Variants in DCHS2 observed in about 807,000 individuals in gnomAD.
DCHS2 encodes dachsous cadherin-related 2, also known as protocadherin-23.
DCHS2 carries 142 observed loss-of-function variants against 182.4 expected under a neutral mutation model. That is an observed-to-expected ratio of 0.78 (90% CI 0.68 to 0.89). The LOEUF (loss-of-function observed/expected upper bound fraction) is 0.89. Ranked by LOEUF, DCHS2 falls within the 40% of genes least tolerant of loss-of-function variation. The pLI, the probability that DCHS2 is intolerant of heterozygous loss-of-function variation, is 0.00. For missense variants in DCHS2, 4,319 were observed against 4,198.6 expected (o/e 1.03, Z -0.79); for synonymous variants, 1,740 against 1,663.3 (o/e 1.05, Z -1.12).
At chr4:154,393,888 G>T (rs1036577616) in intron 1 of DCHS2, among the ~76,000 whole-genome samples, 1 of 152,116 alleles carries the variant, frequency 6.6e-6, no homozygotes, top group Non-Finnish European at 1.5e-5. Context: ...AAACCATCAA[G>T]TAATAATATT....
In DCHS2 at chr4:154,473,430, T is replaced by C. The variant is rs970279827; in HGVS notation, c.2052+15874A>G. Among the ~76,000 whole-genome samples, 3 of 152,182 alleles carry C rather than the reference T, an allele frequency of 2.0e-5. No homozygotes were observed. In the South Asian group the frequency reaches 6.2e-4, roughly 31 times the overall value. On this transcript the variant is annotated intron_variant, in intron 1 of 19. Transcript: ENST00000357232. ...TGCTATCAAGAATAATGGACTCTGA[T>C]CATTAAGAGGAAGGGAGAGCTAATA...
chr4:154,376,427 G>A (rs150781789), intron 2 of DCHS2, among the ~76,000 whole-genome samples: 1 of 146,978 alleles, frequency 6.8e-6, no homozygotes, highest in Non-Finnish European at 1.5e-5. Flanking sequence ...TTTACCTTTG[G>A]AGATAATTAA....
intron 16 of DCHS2, among the ~76,000 whole-genome samples, chr4:154,254,202 C>T (rs1732533096): frequency 6.6e-6 from 1 of 152,196 alleles, no homozygotes; most frequent in African/African-American, 2.4e-5. Context: ...CTAAAGCATA[C>T]TAAAATGTTC....
At chr4:154,357,460 GC>G (rs1729927750) in intron 3 of DCHS2, 2 of 622,542 alleles carry the variant, frequency 3.2e-6, no homozygotes, top group Non-Finnish European at 5.7e-6. Context: ...ATCTTTCTGA[GC>G]CCAGCTATCA....
chr4:154,235,740 G>A lies in DCHS2; in HGVS notation c.8912C>T (p.Ser2971Phe). Residue 2971 changes from serine to phenylalanine, a missense_variant, in exon 20 of 20, where the codon TCT becomes TTT. Transcript: ENST00000357232. Reference sequence around the variant, plus strand: ...AGACACATTCACAAAAACAGTGCAAGATGCAAACTTGGAATCTGATTTGGG... The same window carrying A: ...AGACACATTCACAAAAACAGTGCAAAATGCAAACTTGGAATCTGATTTGGG... ...HSPKSDSKFA[S>F]CTVFVNVSFS... 6.2e-7 allele frequency: 1 copy of A among 1,614,062 alleles called. No homozygotes were observed. The highest frequency in any genetic ancestry group is 1.1e-5 in the South Asian group (1 of 91,082).
rs541047551 is a variant in DCHS2, at chr4:154,456,027, T to G, written c.2052+33277A>C. The stretch of plus-strand genomic sequence containing the variant: ...ATTGCTTGAACCTGGAAGGCAGAGC[T>G]TGCAATGAGCTGAGATCATGCCACT... On this transcript the variant is annotated intron_variant, in intron 1 of 19. Coordinates refer to ENST00000357232, the MANE Select transcript of DCHS2 (RefSeq NM_001358235.2). 9.9e-5 allele frequency among the ~76,000 whole-genome samples: 15 copies of G among 152,104 alleles called. 1 individual carries two copies. In the East Asian group the frequency reaches 2.9e-3, roughly 29 times the overall value.
At position 154,236,454 on chromosome 4, in the gene DCHS2, A is replaced by G. The variant is rs749591831; in HGVS notation, c.8198T>C (p.Met2733Thr). The G allele has an allele frequency of 5.0e-6, 8 of 1,613,904 alleles. No individual in the cohort carries two copies. The highest frequency in any genetic ancestry group is 6.8e-6 in the Non-Finnish European group (8 of 1,179,964). ...YLIKPLDYEK[M>T]TKFTLTVQAS... ...TTGGACAGTTAAGGTGAATTTTGTCATTTTTTCATAATCCAGAGGTTTAAT... is the reference window on the plus strand; with the variant it reads ...TTGGACAGTTAAGGTGAATTTTGTCGTTTTTTCATAATCCAGAGGTTTAAT... Residue 2733 changes from methionine to threonine, a missense_variant, in exon 20 of 20, where the codon ATG (methionine) becomes ACG (threonine). Transcript: ENST00000357232.
chr4:154,472,537 T>G (rs746297286), intron 1 of DCHS2, among the ~76,000 whole-genome samples: 2 of 152,168 alleles, frequency 1.3e-5, no homozygotes, highest in African/African-American at 2.4e-5. Context: ...TCCCCTAAAC[T>G]TTTGGCATAC....
chr4:154,329,715 A>G lies in DCHS2; in HGVS notation c.3731-5T>C, dbSNP rs771133101. ...CCACCCAATTGATTAACTCTCCTGC[A>G]GAGTACAGAGCAGAACAAGACACAG... On this transcript the variant is annotated splice_polypyrimidine_tract_variant and splice_region_variant and intron_variant, in intron 5 of 19. Coordinates refer to ENST00000357232, the MANE Select transcript of DCHS2 (RefSeq NM_001358235.2). The G allele has an allele frequency of 6.2e-7, 1 of 1,611,396 alleles. No individual in the cohort carries two copies. Among genetic ancestry groups the G allele is most frequent in the South Asian group, 1.1e-5 (1 of 90,934 alleles).
intron 13 of DCHS2, among the ~76,000 whole-genome samples, chr4:154,281,016 A>G (rs1433285942): frequency 6.6e-6 from 1 of 151,938 alleles, no homozygotes; most frequent in Non-Finnish European, 1.5e-5. Flanking sequence ...TTGTGGAGAC[A>G]ATGTTTCACC....
At chr4:154,344,510 G>A (rs990168010) in intron 3 of DCHS2, among the ~76,000 whole-genome samples, 1 of 152,148 alleles carries the variant, frequency 6.6e-6, no homozygotes, top group Non-Finnish European at 1.5e-5. Flanking sequence ...GGTCTAATCA[G>A]GGAAACTGAA....
intron 1 of DCHS2, among the ~76,000 whole-genome samples, chr4:154,386,274 T>C (rs10857274): frequency 0.49 from 74,232 of 151,994 alleles, 19,290 homozygotes; most frequent in Non-Finnish European, 0.6. Context: ...GTCCGACTCT[T>C]TCACTCCCCT....
rs1731374735 is a variant in DCHS2, at chr4:154,234,816, G to A, written c.9836C>T (p.Pro3279Leu). The A allele has an allele frequency of 1.9e-6, 3 of 1,614,064 alleles. No homozygotes were observed. Among genetic ancestry groups the A allele is most frequent in the Non-Finnish European group, 2.5e-6 (3 of 1,179,948 alleles). Residue 3279 changes from proline to leucine, a missense_variant, in exon 20 of 20, where the codon CCT becomes CTT. By Grantham distance (98) the Pro-to-Leu change is moderately conservative. Transcript: ENST00000357232. ...KEKKSFVFPP[P>L]LITAVAQPGI... The stretch of plus-strand genomic sequence containing the variant: ...AGGCTGGGCTACTGCTGTTATCAAA[G>A]GGGGTGGAAAAACAAAAGATTTCTT...
chr4:154,354,444 C>T (rs543415499), intron 3 of DCHS2, among the ~76,000 whole-genome samples: 20 of 152,328 alleles, frequency 1.3e-4, no homozygotes, highest in Admixed American at 1.0e-3. Context: ...ATAGCTCATC[C>T]TTTCATTAAT....
chr4:154,303,350 C>T (rs989602798), intron 12 of DCHS2, among the ~76,000 whole-genome samples: 4 of 151,962 alleles, frequency 2.6e-5, no homozygotes, highest in African/African-American at 9.7e-5. Context: ...ATATAACAGT[C>T]TTATTTTAAT....
chr4:154,344,365 G>C (rs1289784272), intron 3 of DCHS2, among the ~76,000 whole-genome samples: 1 of 152,092 alleles, frequency 6.6e-6, no homozygotes, highest in Non-Finnish European at 1.5e-5. Flanking sequence ...AATGAAGTGG[G>C]GTATGTCTGT....
At chr4:154,279,398 T>C (rs780779324) in intron 13 of DCHS2, among the ~76,000 whole-genome samples, 5 of 151,980 alleles carry the variant, frequency 3.3e-5, no homozygotes, top group Non-Finnish European at 7.4e-5. Flanking sequence ...AAGCTGAAAA[T>C]GAAATGATAA....
At position 154,333,051 on chromosome 4, in the gene DCHS2, G is replaced by A. The variant is rs1561049359; in HGVS notation, c.3157C>T (p.Leu1053Phe). ...AGEQRELTLT[L>F]RAEDQGVHPQ... is the part of the protein sequence containing the mutation. The stretch of plus-strand genomic sequence containing the variant: ...TGCACGCCTTGGTCCTCGGCCCTGA[G>A]AGTCAGCGTGAGCTCCCGCTGCTCG... Residue 1053 changes from leucine to phenylalanine, a missense_variant, in exon 5 of 20, where the codon CTC becomes TTC. Transcript: ENST00000357232. The A allele has an allele frequency of 6.2e-7, 1 of 1,613,960 alleles. No homozygotes were observed. The highest frequency in any genetic ancestry group is 8.5e-7 in the Non-Finnish European group (1 of 1,179,970).
intron 10 of DCHS2, among the ~76,000 whole-genome samples, chr4:154,310,020 C>A (rs909987601): frequency 6.6e-6 from 1 of 152,164 alleles, no homozygotes; most frequent in African/African-American, 2.4e-5. Flanking sequence ...AAATTAACCT[C>A]CCTGAAGATC....
Sources: gnomAD v4.1 joint callset for allele counts (sites outside exome capture counted in the v4.1 genomes callset) on GRCh38, gnomAD v4.1.1 for gene constraint, MANE v1.5 for transcripts, NCBI Gene and HGNC (gene_info 2026-07-23, HGNC 2026-07-21) for gene names.